The following AMPH variants were observed in gnomAD, a reference collection of about 807,000 sequenced individuals.
AMPH encodes amphiphysin, also known as amphiphysin (Stiff-Mann syndrome with breast cancer 128kD autoantigen).
Under a neutral mutation model 99.1 loss-of-function variants are expected in AMPH, and 49 were observed. That is an observed-to-expected ratio of 0.49 (90% confidence interval 0.39 to 0.63). The LOEUF is 0.63. Among genes scored for constraint, AMPH ranks in the 20% least tolerant of loss-of-function variants. AMPH has a pLI of 0.00. For missense variants in AMPH, 759 were observed against 863.4 expected, an observed-to-expected ratio of 0.88 and a Z score of 1.52; for synonymous variants, 314 against 317.3, an observed-to-expected ratio of 0.99 and a Z score of 0.11.
At chr7:38,545,833 A>T (rs1439074771) in intron 1 of AMPH, among the ~76,000 whole-genome samples, 1 of 152,222 alleles carries the variant, frequency 6.6e-6, no homozygotes, top group Non-Finnish European at 1.5e-5. Flanking sequence ...ATCCAGCAGG[A>T]TGTGCGTGAT....
chr7:38,571,281 T>TATATATTTATATATAAAA (rs1562835247), intron 1 of AMPH, among the ~76,000 whole-genome samples: 2 of 44,082 alleles, frequency 4.5e-5, no homozygotes, highest in African/African-American at 8.6e-5. Flanking sequence ...ATATATATTT[T>TATATATTTATATATAAAA]TATATATATT....
chr7:38,502,494 G>A (rs1477333158), intron 3 of AMPH, among the ~76,000 whole-genome samples: 1 of 152,140 alleles, frequency 6.6e-6, no homozygotes, highest in East Asian at 1.9e-4. Flanking sequence ...CCCTGAGCCT[G>A]TCCCATTGAA....
intron 1 of AMPH, among the ~76,000 whole-genome samples, chr7:38,585,645 C>T (rs1792617132): frequency 6.6e-6 from 1 of 152,224 alleles, no homozygotes; most frequent in Admixed American, 6.5e-5. Context: ...CAAATTTAGC[C>T]TAAGCTTTTA....
chr7:38,404,606 A>C (rs865931696), intron 17 of AMPH, among the ~76,000 whole-genome samples: 1 of 152,268 alleles, frequency 6.6e-6, no homozygotes, highest in Middle Eastern at 3.4e-3. Context: ...CCACAGCCAT[A>C]TCCTCAAGGG....
chr7:38,439,795 T>C (rs1296983452), intron 11 of AMPH, among the ~76,000 whole-genome samples: 2 of 152,136 alleles, frequency 1.3e-5, no homozygotes, highest in African/African-American at 2.4e-5. Flanking sequence ...CTGTACTATG[T>C]TTCATGAGGT....
At chr7:38,420,907 C>T (rs1453150086) in intron 16 of AMPH, 4 of 454,676 alleles carry the variant, frequency 8.8e-6, no homozygotes, top group Non-Finnish European at 1.8e-5. Flanking sequence ...AACTTCACCC[C>T]CTACCTCGCT....
intron 1 of AMPH, among the ~76,000 whole-genome samples, chr7:38,610,625 T>C (rs1190035928): frequency 1.3e-5 from 2 of 152,090 alleles, no homozygotes; most frequent in African/African-American, 4.8e-5. Flanking sequence ...TCAGTTATCC[T>C]TTAAGTTAAG....
intron 1 of AMPH, among the ~76,000 whole-genome samples, chr7:38,553,480 C>T (rs931439692): frequency 6.6e-6 from 1 of 152,122 alleles, no homozygotes; most frequent in African/African-American, 2.4e-5. Context: ...TACATAGTCA[C>T]GGAATAAAAA....
chr7:38,626,538 A>G (rs536900675), intron 1 of AMPH, among the ~76,000 whole-genome samples: 24 of 152,358 alleles, frequency 1.6e-4, no homozygotes, highest in South Asian at 8.3e-4. Context: ...TTATACAAAA[A>G]TTAACTCAAG....
chr7:38,429,505 C>T, intron 14 of AMPH: 1 of 1,353,788 alleles, frequency 7.4e-7, no homozygotes, highest in Non-Finnish European at 9.7e-7. Context: ...CTTTGAATTT[C>T]TTCGGCCAAC....
intron 5 of AMPH, among the ~76,000 whole-genome samples, chr7:38,482,171 T>C (rs1584148950): frequency 6.6e-6 from 1 of 152,146 alleles, no homozygotes. Context: ...TTCACAATTA[T>C]CTATCTTGGT....
In AMPH at chr7:38,420,671, G is replaced by A. The variant is rs559251026; in HGVS notation, c.1272+1750C>T. On this transcript the variant is annotated intron_variant, in intron 16 of 20. Transcript: ENST00000356264. ...AAGGCGGGTCAATACAGAGGAAGAG[G>A]AGATGGGTTGGGACAGCAGGGGCAG... 1.6e-3 allele frequency among the ~76,000 whole-genome samples: 245 copies of A among 151,080 alleles called. 1 individual carries two copies. The highest frequency in any genetic ancestry group is 5.6e-3 in the African/African-American group (234 of 41,514).
intron 1 of AMPH, among the ~76,000 whole-genome samples, chr7:38,570,087 G>A (rs1270511651): frequency 2.0e-5 from 3 of 152,110 alleles, no homozygotes; most frequent in Admixed American, 1.3e-4. Flanking sequence ...TTGCCTTAAC[G>A]AGTCCTGGAA....
At chr7:38,610,338 GAA>G (rs56930147) in intron 1 of AMPH, among the ~76,000 whole-genome samples, 1 of 21,098 alleles carries the variant, frequency 4.7e-5, no homozygotes, top group Non-Finnish European at 9.2e-5. Context: ...AAAGAAAAAA[GAA>G]AAGAAAAGAA....
intron 15 of AMPH, among the ~76,000 whole-genome samples, chr7:38,424,653 A>AC (rs2128990271): frequency 6.6e-6 from 1 of 152,190 alleles, no homozygotes; most frequent in Non-Finnish European, 1.5e-5. Context: ...GGAAAAAAAA[A>AC]GATAAAGCCA....
At chr7:38,409,683 A>G (rs886370698) in intron 17 of AMPH, among the ~76,000 whole-genome samples, 13 of 152,150 alleles carry the variant, frequency 8.5e-5, no homozygotes, top group Non-Finnish European at 1.5e-4. Flanking sequence ...CAGTCCTATC[A>G]TGAACCCTCA....
chr7:38,521,976 C>G (rs1274957714), intron 2 of AMPH, among the ~76,000 whole-genome samples: 1 of 152,134 alleles, frequency 6.6e-6, no homozygotes, highest in African/African-American at 2.4e-5. Context: ...ATCTACCACC[C>G]TGTGAAATGT....
At chr7:38,398,241 A>T (rs1784738562) in intron 17 of AMPH, among the ~76,000 whole-genome samples, 1 of 151,924 alleles carries the variant, frequency 6.6e-6, no homozygotes, top group Non-Finnish European at 1.5e-5. Context: ...ATCTGCACTC[A>T]CATGTTTATT....
chr7:38,474,778 A>T (rs1788020328), intron 7 of AMPH, among the ~76,000 whole-genome samples: 1 of 152,338 alleles, frequency 6.6e-6, no homozygotes, highest in South Asian at 2.1e-4. Flanking sequence ...AAATGCACGT[A>T]ATTCCACGAG....
Sources: allele counts gnomAD v4.1 joint callset (sites outside exome capture counted in the v4.1 genomes callset), GRCh38; gene constraint gnomAD v4.1.1; transcripts MANE v1.5; gene names NCBI Gene and HGNC (gene_info 2026-07-23, HGNC 2026-07-21).